HIVEP3: variants seen among roughly 807,000 people sequenced by gnomAD.
HIVEP3 encodes the protein transcription factor HIVEP3.
A neutral mutation model predicts 152.8 loss-of-function variants in HIVEP3; 49 were observed. That is an observed-to-expected ratio of 0.32 (90% CI 0.26 to 0.41). The LOEUF is 0.41. HIVEP3 is among the 10% of genes least tolerant of loss of function. The pLI, the probability that HIVEP3 is intolerant of heterozygous loss-of-function variation, is 1.00. For missense variants in HIVEP3, 2,790 were observed against 3,103.3 expected, an observed-to-expected ratio of 0.90 and a Z score of 2.40; for synonymous variants, 1,269 against 1,289.0, an observed-to-expected ratio of 0.98 and a Z score of 0.33.
intron 1 of HIVEP3, among the ~76,000 whole-genome samples, chr1:41,723,489 C>G (rs1476901717): frequency 2.3e-5 from 3 of 130,808 alleles, no homozygotes; most frequent in African/African-American, 9.8e-5. Context: ...TACACACACA[C>G]ACACACAGCC....
In HIVEP3 at chr1:41,981,241, T is replaced by C. The variant is rs1393896537; in HGVS notation, n.119+54566A>G. Among the ~76,000 whole-genome samples, 4 of 152,146 alleles carry C rather than the reference T, an allele frequency of 2.6e-5. No homozygotes were observed. In the East Asian group the frequency reaches 7.7e-4, roughly 29 times the overall value. Reference sequence around the variant, plus strand: ...GCTCTTACAGGGAGCTTGGCAACATTTGCATCAGCCTGGTAAAACATCGAA... The same window carrying C: ...GCTCTTACAGGGAGCTTGGCAACATCTGCATCAGCCTGGTAAAACATCGAA... On this transcript the variant is annotated intron_variant and non_coding_transcript_variant, in intron 1 of 3. Coordinates refer to the HIVEP3 transcript ENST00000489103.
chr1:41,549,281 C>G (rs982145941), intron 5 of HIVEP3, among the ~76,000 whole-genome samples: 2 of 152,172 alleles, frequency 1.3e-5, no homozygotes, highest in Non-Finnish European at 2.9e-5. Flanking sequence ...CATTGATGGG[C>G]ATTTGAGTTG....
At chr1:41,638,256 G>GAAAGAAAGAA (rs1553241159) in intron 2 of HIVEP3, among the ~76,000 whole-genome samples, 5 of 120,884 alleles carry the variant, frequency 4.1e-5, no homozygotes, top group African/African-American at 1.7e-4. Context: ...AAGAAAGAGA[G>GAAAGAAAGAA]AGAAAGAAAG....
chr1:41,640,205 G>A (rs1416938892), intron 2 of HIVEP3, among the ~76,000 whole-genome samples: 10 of 150,814 alleles, frequency 6.6e-5, no homozygotes, highest in Admixed American at 6.6e-4. Context: ...CCGGAGTGGC[G>A]GGAGGAGGAA....
intron 1 of HIVEP3, among the ~76,000 whole-genome samples, chr1:41,914,895 A>G (rs187894625): frequency 3.9e-5 from 6 of 152,382 alleles, no homozygotes; most frequent in African/African-American, 1.4e-4. Flanking sequence ...CCTGATCATA[A>G]CAAGACAGGT....
intron 6 of HIVEP3, among the ~76,000 whole-genome samples, chr1:41,521,346 C>G (rs1017494545): frequency 2.0e-5 from 3 of 152,222 alleles, no homozygotes; most frequent in Non-Finnish European, 4.4e-5. Context: ...ATGGTTTTAC[C>G]TTTCTCAGGA....
rs144797476 is a variant in HIVEP3 at position 41,785,941 on chromosome 1, C to T, written c.-800-84946G>A. Reference sequence around the variant, plus strand: ...AACCCGGGAGGCAGGGAGGTTGCAGCGAGCCAAGACCGTGCCATTGCACTC... The same window carrying T: ...AACCCGGGAGGCAGGGAGGTTGCAGTGAGCCAAGACCGTGCCATTGCACTC... On this transcript the variant is annotated intron_variant, in intron 1 of 8. Transcript: ENST00000372583. 4.3e-3 allele frequency among the ~76,000 whole-genome samples: 651 copies of T among 152,214 alleles called. 3 individuals carry two copies. The highest frequency in any genetic ancestry group is 0.015 in the African/African-American group (621 of 41,538).
intron 3 of HIVEP3, among the ~76,000 whole-genome samples, chr1:41,608,669 G>A (rs1424067516): frequency 6.6e-6 from 1 of 152,206 alleles, no homozygotes; most frequent in Non-Finnish European, 1.5e-5. Context: ...TGATTGCTCT[G>A]TCTGTGCAAT....
chr1:41,600,273 T>A (rs562874867), intron 3 of HIVEP3, among the ~76,000 whole-genome samples: 1 of 152,334 alleles, frequency 6.6e-6, no homozygotes, highest in South Asian at 2.1e-4. Context: ...ACATCTATGT[T>A]CATAGCGGCA....
At chr1:41,701,579 T>C (rs12069207) in intron 1 of HIVEP3, among the ~76,000 whole-genome samples, 3,787 of 152,290 alleles carry the variant, frequency 0.025, 161 homozygotes, top group African/African-American at 0.087. Context: ...TTGGTTAAGC[T>C]GTGCAGGATG....
chr1:41,929,781 T>G (rs1260213657), intron 1 of HIVEP3, among the ~76,000 whole-genome samples: 3 of 144,886 alleles, frequency 2.1e-5, no homozygotes, highest in Non-Finnish European at 4.5e-5. Context: ...TACTGATACC[T>G]CTGACTCTAA....
At chr1:41,804,356 G>A (rs112763345) in intron 1 of HIVEP3, among the ~76,000 whole-genome samples, 17 of 152,270 alleles carry the variant, frequency 1.1e-4, no homozygotes, top group Admixed American at 2.0e-4. Context: ...CTAAAAGCCC[G>A]CCCTCTGCCA....
At position 41,845,419 on chromosome 1, in the gene HIVEP3, GCACACACACACA is replaced by G. The variant is rs3032007; in HGVS notation, c.-801+72982_-801+72993del. Among the ~76,000 whole-genome samples, 23 of 136,186 alleles carry G rather than the reference GCACACACACACA, an allele frequency of 1.7e-4. No homozygotes were observed. The East Asian group carries it at 2.7e-3, about 16-fold the overall frequency. 89.3% of individuals were successfully genotyped at this position (136,186 alleles called of 152,430 possible). On this transcript the variant is annotated intron_variant, in intron 1 of 8. Transcript: ENST00000372583. ...ACACCTCCTATACACACACACACAC[GCACACACACACA>G]CACACACACACACACACACACACAC...
intron 1 of HIVEP3, among the ~76,000 whole-genome samples, chr1:41,878,277 T>C (rs931393812): frequency 8.1e-4 from 124 of 152,310 alleles, no homozygotes; most frequent in Non-Finnish European, 1.0e-3. Flanking sequence ...AACTTTGCTC[T>C]AAAACACATA....
chr1:41,946,838 G>T (rs1203604156), intron 1 of HIVEP3, among the ~76,000 whole-genome samples: 1 of 152,098 alleles, frequency 6.6e-6, no homozygotes, highest in African/African-American at 2.4e-5. Context: ...GGACCTAAAA[G>T]CCCAAGGCCT....
At chr1:41,718,198 T>G (rs529528948) in intron 1 of HIVEP3, among the ~76,000 whole-genome samples, 3 of 152,316 alleles carry the variant, frequency 2.0e-5, no homozygotes, top group African/African-American at 7.2e-5. Flanking sequence ...ATGTCCCACA[T>G]AGGGTGGCCA....
At chr1:41,791,732 T>G (rs1207423017) in intron 1 of HIVEP3, among the ~76,000 whole-genome samples, 3 of 152,188 alleles carry the variant, frequency 2.0e-5, no homozygotes, top group Admixed American at 2.0e-4. Flanking sequence ...TGTTGTTATA[T>G]GCAGAAAATC....
At chr1:41,789,149 C>G (rs1649538969) in intron 1 of HIVEP3, among the ~76,000 whole-genome samples, 1 of 152,196 alleles carries the variant, frequency 6.6e-6, no homozygotes. Context: ...GCTCATATGA[C>G]CACACCTGCA....
rs762816658 is a variant in HIVEP3, at chr1:41,583,087, C to G, written c.1711G>C (p.Glu571Gln). 19 of 1,613,388 alleles carry G rather than the reference C, an allele frequency of 1.2e-5. No individual in the cohort carries two copies. The highest frequency in any genetic ancestry group is 1.6e-5 in the Non-Finnish European group (19 of 1,179,820). ...ACGTGACTGCTGTGGCTCAGGGCTT[C>G]GGAGTCGGTGATATGGTCATCGAAG... ...YSFDDHITDS[E>Q]ALSHSSHVFT... The change falls in exon 4 of 9, where the codon GAA (glutamate) becomes CAA (glutamine). Residue 571 changes from glutamate to glutamine, a missense_variant. This residue lies in a region of HIVEP3 where 339 missense variants were observed against 327.0 expected (regional missense o/e 1.04). Transcript: ENST00000372583. This position sits in a 1 kb window ranked among gnomAD's most constrained non-coding sequence, Gnocchi z 6.9.
Sources: allele counts gnomAD v4.1 joint callset (sites outside exome capture counted in the v4.1 genomes callset), GRCh38; gene constraint gnomAD v4.1.1; regional missense constraint gnomAD v4.1.1; non-coding constraint Gnocchi (gnomAD v3.1); transcripts MANE v1.5; gene names NCBI Gene and HGNC (gene_info 2026-07-23, HGNC 2026-07-21).